The following FHIT variants were observed in gnomAD, a reference collection of about 807,000 sequenced individuals.
The protein encoded by FHIT is fragile histidine triad diadenosine triphosphatase, also known as bis(5'-adenosyl)-triphosphatase.
A neutral mutation model predicts 17.9 loss-of-function variants in FHIT; 19 were observed. That is an observed-to-expected ratio of 1.06 (90% confidence interval 0.74 to 1.56). The LOEUF (loss-of-function observed/expected upper bound fraction) is 1.56. Ranked by LOEUF, FHIT falls within the 40% of genes most tolerant of loss-of-function variation. The probability of loss-of-function intolerance (pLI) is 0.00; values close to 1 mark genes in which losing one functional copy is unlikely to be tolerated. For synonymous variants in FHIT, 81 were observed against 69.7 expected (o/e 1.16, Z -0.81); for missense variants, 248 against 189.2 (o/e 1.31, Z -1.82).
chr3:60,854,795 G>T (rs1445729849), intron 3 of FHIT, among the ~76,000 whole-genome samples: 1 of 152,124 alleles, frequency 6.6e-6, no homozygotes, highest in Non-Finnish European at 1.5e-5. Context: ...TTTCCTAACT[G>T]TAAGAGAGTG....
intron 3 of FHIT, among the ~76,000 whole-genome samples, chr3:60,979,864 A>C (rs1710419012): frequency 6.6e-6 from 1 of 152,198 alleles, no homozygotes; most frequent in Non-Finnish European, 1.5e-5. Flanking sequence ...TAGTCAAAGG[A>C]ATAAATTATT....
At position 61,074,558 on chromosome 3, in the gene FHIT, C is replaced by T. The variant is rs192675494; in HGVS notation, c.-163-32459G>A. On this transcript the variant is annotated intron_variant, in intron 2 of 9. Transcript: ENST00000492590. ...ATGCTGGAAGCTCTGACCCTACCGG[C>T]ACCACACTCCTACAAGATAACAAAT... 4.1e-3 allele frequency among the ~76,000 whole-genome samples: 628 copies of T among 152,238 alleles called. 4 individuals carry two copies. The highest frequency in any genetic ancestry group is 0.014 in the African/African-American group (578 of 41,566).
At chr3:60,309,273 TA>T (rs1333599176) in intron 5 of FHIT, among the ~76,000 whole-genome samples, 3 of 151,898 alleles carry the variant, frequency 2.0e-5, no homozygotes, top group African/African-American at 7.3e-5. Context: ...AAGTGCTGTG[TA>T]AAAACCTTAT....
chr3:59,896,212 C>T (rs1407037743), intron 8 of FHIT, among the ~76,000 whole-genome samples: 2 of 152,078 alleles, frequency 1.3e-5, no homozygotes, highest in African/African-American at 2.4e-5. Context: ...CTGCTGTGTC[C>T]CAAGCAAGCA....
chr3:59,852,771 T>G (rs1701993400), intron 8 of FHIT, among the ~76,000 whole-genome samples: 1 of 152,208 alleles, frequency 6.6e-6, no homozygotes, highest in Non-Finnish European at 1.5e-5. Flanking sequence ...GTCAGAATCA[T>G]GGAGCATGCA....
At chr3:60,878,072 C>G (rs1704753759) in intron 3 of FHIT, among the ~76,000 whole-genome samples, 1 of 152,102 alleles carries the variant, frequency 6.6e-6, no homozygotes, top group Non-Finnish European at 1.5e-5. Context: ...ATGCTGTGCT[C>G]AAACCCCTAA....
At chr3:60,179,996 G>A (rs944862724) in intron 5 of FHIT, among the ~76,000 whole-genome samples, 23 of 152,196 alleles carry the variant, frequency 1.5e-4, no homozygotes, top group African/African-American at 4.3e-4. Flanking sequence ...AATCCTCCAC[G>A]GGGACTATAT....
intron 7 of FHIT, among the ~76,000 whole-genome samples, chr3:59,989,684 G>C (rs187761948): frequency 7.9e-5 from 12 of 152,164 alleles, no homozygotes; most frequent in Admixed American, 7.9e-4. Flanking sequence ...TCTGCATTGA[G>C]TTGGGTGTCT....
chr3:59,817,734 C>A (rs1700652627), intron 8 of FHIT, among the ~76,000 whole-genome samples: 1 of 152,110 alleles, frequency 6.6e-6, no homozygotes, highest in Non-Finnish European at 1.5e-5. Context: ...AAGTCAGTTT[C>A]ACCTGTTTTA....
chr3:60,106,643 C>A (rs1704427055), intron 5 of FHIT, among the ~76,000 whole-genome samples: 1 of 152,122 alleles, frequency 6.6e-6, no homozygotes, highest in Non-Finnish European at 1.5e-5. Flanking sequence ...AGGTGCCCAG[C>A]CAAGGACAGT....
intron 3 of FHIT, among the ~76,000 whole-genome samples, chr3:61,014,086 A>G (rs1674001515): frequency 6.6e-6 from 1 of 152,156 alleles, no homozygotes; most frequent in Admixed American, 6.5e-5. Flanking sequence ...CACACTCTGC[A>G]TGACTTTCCA....
At chr3:60,682,289 G>A (rs375368055) in intron 4 of FHIT, among the ~76,000 whole-genome samples, 1 of 152,130 alleles carries the variant, frequency 6.6e-6, no homozygotes, top group Non-Finnish European at 1.5e-5. Flanking sequence ...ATTTTCAAGA[G>A]AGATGAAACA....
chr3:60,273,222 G>A (rs188198291), intron 5 of FHIT, among the ~76,000 whole-genome samples: 70 of 152,272 alleles, frequency 4.6e-4, no homozygotes, highest in Non-Finnish European at 2.8e-4. Context: ...CATAAGCATA[G>A]GGTAAAATAA....
chr3:59,896,356 T>C (rs1036289311), intron 8 of FHIT, among the ~76,000 whole-genome samples: 3 of 152,200 alleles, frequency 2.0e-5, no homozygotes, highest in Non-Finnish European at 4.4e-5. Context: ...AAAGAAAATA[T>C]GTGTTAACTG....
At chr3:60,731,558 T>G (rs2042030338) in intron 4 of FHIT, among the ~76,000 whole-genome samples, 1 of 152,174 alleles carries the variant, frequency 6.6e-6, no homozygotes, top group Non-Finnish European at 1.5e-5. Context: ...GCATGCACAG[T>G]GTGTTTACTG....
rs966624864 is a variant in FHIT, at chr3:60,260,863, A to G, written c.104-246711T>C. On this transcript the variant is annotated intron_variant, in intron 5 of 9. Transcript: ENST00000492590. ...TCTGGTTGTCCTCAATGCTCATTAT[A>G]TGATAATTACAATGCATCAGTGTGC... Among the ~76,000 whole-genome samples, 3 of 152,164 alleles carry G rather than the reference A, an allele frequency of 2.0e-5. No homozygotes were observed. In the East Asian group the frequency reaches 5.8e-4, roughly 29 times the overall value.
chr3:61,105,528 G>A (rs1201525256), intron 2 of FHIT, among the ~76,000 whole-genome samples: 1 of 152,024 alleles, frequency 6.6e-6, no homozygotes, highest in Non-Finnish European at 1.5e-5. Context: ...GTGAATATAA[G>A]TAAATAAAAG....
intron 2 of FHIT, chr3:61,167,088 A>G (rs2037860732): frequency 6.6e-6 from 1 of 152,222 alleles, no homozygotes; most frequent in Non-Finnish European, 1.5e-5. Context: ...CAGAAAATCT[A>G]ATGTGAAAAT....
At chr3:60,235,911 C>T (rs567556872) in intron 5 of FHIT, among the ~76,000 whole-genome samples, 41 of 152,222 alleles carry the variant, frequency 2.7e-4, no homozygotes, top group Non-Finnish European at 5.0e-4. Context: ...GTTCAATTGG[C>T]TCCAGGGTTC....
Sources: allele counts gnomAD v4.1 joint callset (sites outside exome capture counted in the v4.1 genomes callset), GRCh38; gene constraint gnomAD v4.1.1; transcripts MANE v1.5; gene names NCBI Gene and HGNC (gene_info 2026-07-23, HGNC 2026-07-21).